ROR1: variants seen among roughly 807,000 people sequenced by gnomAD.
ROR1 encodes ROR family WNT receptor 1.
A neutral mutation model predicts 78.8 loss-of-function variants in ROR1; 19 were observed. The observed-to-expected ratio is 0.24, with a 90% CI of 0.17 to 0.35. ROR1 has a LOEUF of 0.35. Among genes scored for constraint, ROR1 ranks in the 10% least tolerant of loss-of-function variants. The pLI is 1.00. For missense variants in ROR1, 917 were observed against 1,177.8 expected (o/e 0.78, Z 3.24); for synonymous variants, 386 against 433.6 (o/e 0.89, Z 1.36).
intron 4 of ROR1, among the ~76,000 whole-genome samples, chr1:64,079,898 G>C (rs1647086999): frequency 6.6e-6 from 1 of 151,902 alleles, no homozygotes; most frequent in Non-Finnish European, 1.5e-5. Flanking sequence ...GCTCTAGTTT[G>C]AGAAAAATAC....
At position 64,178,485 on chromosome 1, in the gene ROR1, G is replaced by T. The variant is rs201257776; in HGVS notation, c.2444G>T (p.Arg815Leu). The T allele has an allele frequency of 7.3e-5, 118 of 1,614,164 alleles. 1 individual carries two copies. The Admixed American group carries it at 1.9e-3, about 26-fold the overall frequency. Reference protein sequence around the residue: ...FIGPPIPQNQRFIPINGYPIP... With the variant: ...FIGPPIPQNQLFIPINGYPIP... ...GGCCCGCCAATACCTCAGAACCAGC[G>T]ATTCATTCCCATCAATGGATACCCA... The change falls in exon 9 of 9, where the codon CGA becomes CTA. Residue 815 changes from arginine to leucine, a missense_variant. Around this residue, in one of 3 missense-constraint regions of ROR1, gnomAD observed 835 missense variants for 1,069.8 expected, o/e 0.78. Transcript: ENST00000371079. The surrounding 1 kb of genome is among the most constrained non-coding windows in gnomAD (Gnocchi z 4.3).
At chr1:63,813,637 C>T (rs1233026873) in intron 1 of ROR1, among the ~76,000 whole-genome samples, 1 of 152,146 alleles carries the variant, frequency 6.6e-6, no homozygotes, top group Non-Finnish European at 1.5e-5. Context: ...ATTTTGTGGC[C>T]CCTAAAGCTT....
rs549137509 is a variant in ROR1 at position 63,798,256 on chromosome 1, G to C, written c.91+23748G>C. Among the ~76,000 whole-genome samples the C allele has an allele frequency of 3.3e-5, 5 of 152,214 alleles. No homozygotes were observed. In the South Asian group the frequency reaches 6.3e-4, roughly 19 times the overall value. Reference sequence around the variant, plus strand: ...CAGACCATCCACATTGGAGCCCCCTGGTTGATTTGACGCTCTGCAGGGAAA... The same window carrying C: ...CAGACCATCCACATTGGAGCCCCCTCGTTGATTTGACGCTCTGCAGGGAAA... On this transcript the variant is annotated intron_variant, in intron 1 of 8. Transcript: ENST00000371079.
At chr1:64,129,556 C>T (rs1648839574) in intron 4 of ROR1, among the ~76,000 whole-genome samples, 2 of 152,174 alleles carry the variant, frequency 1.3e-5, no homozygotes. Context: ...TATGCATTTC[C>T]AGCTTCAGCC....
intron 7 of ROR1, among the ~76,000 whole-genome samples, chr1:64,145,141 G>A (rs1649440873): frequency 6.6e-6 from 1 of 152,062 alleles, no homozygotes; most frequent in Non-Finnish European, 1.5e-5. Flanking sequence ...GTAAATAAAT[G>A]CTTGCTCTCA....
At chr1:63,925,934 G>A (rs1645699379) in intron 1 of ROR1, among the ~76,000 whole-genome samples, 1 of 150,120 alleles carries the variant, frequency 6.7e-6, no homozygotes, top group South Asian at 2.1e-4. Context: ...AGATGAGTAG[G>A]TTGCGAAAAT....
At chr1:64,043,215 G>A (rs1230246134) in intron 2 of ROR1, among the ~76,000 whole-genome samples, 1 of 152,212 alleles carries the variant, frequency 6.6e-6, no homozygotes, top group African/African-American at 2.4e-5. Context: ...TAAATGTTGG[G>A]AAGGATTTGT....
chr1:64,083,593 G>GA (rs1270419889), intron 4 of ROR1, among the ~76,000 whole-genome samples: 40,290 of 132,776 alleles, frequency 0.3, 7,222 homozygotes, highest in African/African-American at 0.54. Flanking sequence ...GAGAGAGAGA[G>GA]AGAAAAAAAA....
chr1:63,945,480 T>C (rs1331369057), intron 1 of ROR1, among the ~76,000 whole-genome samples: 2 of 152,146 alleles, frequency 1.3e-5, no homozygotes, highest in Non-Finnish European at 2.9e-5. Context: ...GACCTATAGT[T>C]TGAAAAACAC....
At chr1:64,125,278 A>C (rs1648672839) in intron 4 of ROR1, among the ~76,000 whole-genome samples, 1 of 152,188 alleles carries the variant, frequency 6.6e-6, no homozygotes, top group African/African-American at 2.4e-5. Context: ...TAATTGCTTC[A>C]CTCAAAGCCT....
chr1:63,784,456 A>G (rs1054139140), intron 1 of ROR1, among the ~76,000 whole-genome samples: 2 of 152,240 alleles, frequency 1.3e-5, no homozygotes, highest in Non-Finnish European at 2.9e-5. Flanking sequence ...AAAATCTTCA[A>G]ATAGCTGTTG....
chr1:63,906,923 A>G (rs147773266), intron 1 of ROR1, among the ~76,000 whole-genome samples: 1 of 152,328 alleles, frequency 6.6e-6, no homozygotes, highest in East Asian at 1.9e-4. Flanking sequence ...CTTCAATATT[A>G]CTTTATCCAG....
At chr1:64,094,808 T>C (rs1025839698) in intron 4 of ROR1, 4 of 152,408 alleles carry the variant, frequency 2.6e-5, no homozygotes, top group African/African-American at 9.6e-5. Flanking sequence ...CAGGCTGGTC[T>C]AGAACTGCTG....
intron 1 of ROR1, among the ~76,000 whole-genome samples, chr1:63,793,993 G>C (rs575612090): frequency 1.3e-5 from 2 of 152,276 alleles, no homozygotes; most frequent in Admixed American, 1.3e-4. Flanking sequence ...TAGAACTGCC[G>C]CTAATGCAGT....
chr1:64,018,061 C>A (rs1646535323), intron 2 of ROR1, among the ~76,000 whole-genome samples: 1 of 152,064 alleles, frequency 6.6e-6, no homozygotes, highest in African/African-American at 2.4e-5. Context: ...CCTGTTGCAC[C>A]CACTTCAAAA....
intron 1 of ROR1, among the ~76,000 whole-genome samples, chr1:63,903,674 A>C (rs1645503593): frequency 6.6e-6 from 1 of 152,094 alleles, no homozygotes; most frequent in South Asian, 2.1e-4. Flanking sequence ...TTGCTTTTGC[A>C]AAATGTGCAC....
chr1:64,096,650 G>A (rs1042619968), intron 4 of ROR1, among the ~76,000 whole-genome samples: 1 of 152,054 alleles, frequency 6.6e-6, no homozygotes, highest in African/African-American at 2.4e-5. Flanking sequence ...ATCATTGATG[G>A]GTATTTGGGT....
chr1:63,930,810 T>C (rs1254340347), intron 1 of ROR1, among the ~76,000 whole-genome samples: 6 of 152,250 alleles, frequency 3.9e-5, no homozygotes, highest in Non-Finnish European at 8.8e-5. Flanking sequence ...TACCAACTTC[T>C]ATTCACATGT....
chr1:64,176,274 G>A lies in ROR1; in HGVS notation c.1387-1154G>A, dbSNP rs79058947. 9.7e-3 allele frequency among the ~76,000 whole-genome samples: 1,483 copies of A among 152,230 alleles called. 21 individuals are homozygous for A. The highest frequency in any genetic ancestry group is 0.033 in the African/African-American group (1,356 of 41,528). On this transcript the variant is annotated intron_variant, in intron 8 of 8. Coordinates refer to ENST00000371079, the MANE Select transcript of ROR1 (RefSeq NM_005012.4). ...CCAATAAGATTTCCCTTGAAATCTCGTTGTGAGGACAAAATACATGCATAA... is the reference window on the plus strand; with the variant it reads ...CCAATAAGATTTCCCTTGAAATCTCATTGTGAGGACAAAATACATGCATAA...
Sources: allele counts gnomAD v4.1 joint callset (sites outside exome capture counted in the v4.1 genomes callset), GRCh38; gene constraint gnomAD v4.1.1; regional missense constraint gnomAD v4.1.1; non-coding constraint Gnocchi (gnomAD v3.1); transcripts MANE v1.5; gene names NCBI Gene and HGNC (gene_info 2026-07-23, HGNC 2026-07-21).